IARS2: variants seen among roughly 807,000 people sequenced by gnomAD.
IARS2 encodes the protein isoleucyl-tRNA synthetase 2, mitochondrial.
IARS2 carries 56 observed loss-of-function variants against 126.3 expected under a neutral mutation model. The ratio of observed to expected loss-of-function variants is 0.44; its 90% CI spans 0.36 to 0.55. The LOEUF is 0.55. Ranked by LOEUF, IARS2 falls within the 20% of genes least tolerant of loss-of-function variation. The probability of loss-of-function intolerance (pLI) is 0.00; values close to 1 mark genes in which losing one functional copy is unlikely to be tolerated. For missense variants in IARS2, 1,127 were observed against 1,245.9 expected, an observed-to-expected ratio of 0.90 and a Z score of 1.44; for synonymous variants, 407 against 441.1, an observed-to-expected ratio of 0.92 and a Z score of 0.97.
rs950634242 is a variant in IARS2 at position 220,094,438 on chromosome 1, G to A, written c.222G>A (p.Lys74=). The part of the protein sequence containing the change: ...VLLPQTSFPM[K]LLGRQQPDTE... ...TGCCGCAGACGAGCTTCCCCATGAA[G>A]CTGCTGGGCCGCCAGCAGCCGGACA... Residue 74 remains lysine, a synonymous_variant, in exon 1 of 23, where the codon AAG becomes AAA. Coordinates refer to ENST00000366922, the MANE Select transcript of IARS2 (RefSeq NM_018060.4). The A allele has an allele frequency of 1.2e-6, 2 of 1,611,444 alleles. No individual in the cohort carries two copies. Among genetic ancestry groups the A allele is most frequent in the Non-Finnish European group, 1.7e-6 (2 of 1,179,218 alleles).
At chr1:220,102,659 T>G (rs1409122602) in intron 6 of IARS2, 28 bp from the exon 7 acceptor site, 2 of 1,593,000 alleles carry the variant, frequency 1.3e-6, no homozygotes, top group Non-Finnish European at 1.7e-6. Context: ...TCCCATTTGC[T>G]AACATATTTA....
intron 14 of IARS2, among the ~76,000 whole-genome samples, chr1:220,131,630 G>A (rs759698085): frequency 6.6e-6 from 1 of 152,076 alleles, no homozygotes; most frequent in African/African-American, 2.4e-5. Context: ...GGGATTACAG[G>A]CGTGAGCCAC....
intron 19 of IARS2, 119 bp from the exon 20 acceptor site, chr1:220,141,684 A>AAT (rs1657495264): frequency 1.0e-6 from 1 of 962,470 alleles, no homozygotes; most frequent in Non-Finnish European, 1.6e-6. Flanking sequence ...CTTTAAGTAG[A>AAT]AGATGATTAG....
chr1:220,100,011 T>C (rs1413675837), intron 2 of IARS2, among the ~76,000 whole-genome samples: 2 of 152,220 alleles, frequency 1.3e-5, no homozygotes, highest in South Asian at 2.1e-4. Flanking sequence ...AGAAGGAAAT[T>C]GAGCTTGGAG....
At chr1:220,102,928 T>C (rs1656607634) in intron 7 of IARS2, 151 bp downstream of exon 7, 3 of 599,406 alleles carry the variant, frequency 5.0e-6, no homozygotes, top group Non-Finnish European at 8.7e-6. Context: ...TATTAACCTT[T>C]AGGTGATCCT....
intron 12 of IARS2, among the ~76,000 whole-genome samples, chr1:220,119,166 C>T (rs1437953834): frequency 2.0e-5 from 3 of 151,928 alleles, no homozygotes; most frequent in African/African-American, 2.4e-5. Context: ...CGGTTGATAT[C>T]GAAGTTCAGA....
intron 14 of IARS2, among the ~76,000 whole-genome samples, chr1:220,129,325 A>G (rs1340396378): frequency 6.6e-6 from 1 of 152,202 alleles, no homozygotes; most frequent in East Asian, 1.9e-4. Context: ...GGTATTTAAG[A>G]TATCTATCAT....
intron 14 of IARS2, among the ~76,000 whole-genome samples, chr1:220,131,941 G>A (rs983367939): frequency 6.6e-6 from 1 of 151,770 alleles, no homozygotes; most frequent in East Asian, 1.9e-4. Context: ...GCGACTACAG[G>A]CATCCACCAC....
chr1:220,098,667 G>T (rs1656502156), intron 2 of IARS2, among the ~76,000 whole-genome samples: 1 of 152,002 alleles, frequency 6.6e-6, no homozygotes, highest in South Asian at 2.1e-4. Context: ...TTAGAAAAAT[G>T]AAAGGAACAG....
chr1:220,098,500 C>T (rs991511030), intron 2 of IARS2, among the ~76,000 whole-genome samples: 1 of 152,088 alleles, frequency 6.6e-6, no homozygotes, highest in Non-Finnish European at 1.5e-5. Context: ...CTTTTTTCTC[C>T]ATAGTGTGTG....
At chr1:220,107,378 G>A (rs1398675173) in intron 10 of IARS2, among the ~76,000 whole-genome samples, 1 of 152,184 alleles carries the variant, frequency 6.6e-6, no homozygotes, top group Non-Finnish European at 1.5e-5. Flanking sequence ...TTATTTTAGG[G>A]CTATGGAGAT....
Position 220,094,281 on chromosome 1 carries a change from G to A in IARS2, c.65G>A (p.Trp22Ter). 6.2e-7 allele frequency: 1 copy of A among 1,610,258 alleles called. No individual in the cohort carries two copies. Among genetic ancestry groups the A allele is most frequent in the South Asian group, 1.1e-5 (1 of 90,776 alleles). The part of the protein sequence containing the change: ...AAALATARSL[W>*]GTPRLPCSPG... ...GCCCTGGCCACTGCCCGAAGTTTGT[G>A]GGGGACGCCCCGCCTTCCCTGCAGC... is the stretch of plus-strand genomic sequence containing the variant. The change falls in exon 1 of 23, where the codon TGG (tryptophan) becomes TAG (stop). Residue 22 changes from tryptophan to a stop codon, truncating the protein, a stop_gained. Transcript: ENST00000366922. LOFTEE classifies it high-confidence loss of function.
rs550318964 is a variant in IARS2, at chr1:220,121,382, A to G, written c.1641-3855A>G. ...AAATATGCGCTATATCTAAATTACTAATATTGTTATAAAAATGTAGCAATT... is the reference window on the plus strand; with the variant it reads ...AAATATGCGCTATATCTAAATTACTGATATTGTTATAAAAATGTAGCAATT... On this transcript the variant is annotated intron_variant, in intron 12 of 22. Transcript: ENST00000366922. Among the ~76,000 whole-genome samples, 47 of 152,320 alleles carry G rather than the reference A, an allele frequency of 3.1e-4. No homozygotes were observed. In the South Asian group the frequency reaches 5.0e-3, roughly 16 times the overall value.
intron 13 of IARS2, 99 bp from the exon 14 acceptor site, chr1:220,126,651 A>T: frequency 1.2e-6 from 1 of 838,628 alleles, no homozygotes; most frequent in East Asian, 2.6e-5. Flanking sequence ...TGTGAACTTC[A>T]TGGTTGCATT....
At position 220,147,834 on chromosome 1, in the gene IARS2, GA is replaced by G. The variant is rs900531825; in HGVS notation, c.*202del. ...AAAGAATTATGTATATATACATGCA[GA>G]AATATATATGTGTGTGTGTATCTGT... On this transcript the variant is annotated 3_prime_UTR_variant, in exon 23 of 23. Coordinates refer to ENST00000366922, the MANE Select transcript of IARS2 (RefSeq NM_018060.4). 2 of 575,508 alleles carry G rather than the reference GA, an allele frequency of 3.5e-6. No homozygotes were observed. Among genetic ancestry groups the G allele is most frequent in the African/African-American group, 1.9e-5 (1 of 53,734 alleles). 35.7% of individuals were successfully genotyped at this position (575,508 alleles called of 1,614,324 possible).
rs1342648317 is a variant in IARS2 at position 220,142,518 on chromosome 1, T to C, written c.2561-426T>C. 2.0e-5 allele frequency among the ~76,000 whole-genome samples: 3 copies of C among 152,310 alleles called. No individual in the cohort carries two copies. In the East Asian group the frequency reaches 5.8e-4, roughly 29 times the overall value. On this transcript the variant is annotated intron_variant, in intron 20 of 22. Transcript: ENST00000366922. ...CTGTCAAAAAAAATGTTCTGAAATA[T>C]ATTTTAGGTTGTATTAAAACAAAAT...
intron 3 of IARS2, 84 bp from the exon 4 acceptor site, chr1:220,102,045 G>T: frequency 7.7e-7 from 1 of 1,295,106 alleles, no homozygotes; most frequent in East Asian, 2.3e-5. Flanking sequence ...TGTAGCATTT[G>T]CATTTAGAGA....
At chr1:220,097,073 A>C (rs1283330140) in intron 2 of IARS2, among the ~76,000 whole-genome samples, 1 of 152,030 alleles carries the variant, frequency 6.6e-6, no homozygotes, top group Non-Finnish European at 1.5e-5. Flanking sequence ...ATGTTTTGTG[A>C]TATAAATACA....
At chr1:220,141,566 C>G (rs758203398) in intron 19 of IARS2, among the ~76,000 whole-genome samples, 1 of 152,222 alleles carries the variant, frequency 6.6e-6, no homozygotes, top group African/African-American at 2.4e-5. Flanking sequence ...AGTCTAGACT[C>G]TAGTTGTCAT....
Sources: gnomAD v4.1 joint callset for allele counts (sites outside exome capture counted in the v4.1 genomes callset) on GRCh38, gnomAD v4.1.1 for gene constraint, MANE v1.5 for transcripts, NCBI Gene and HGNC (gene_info 2026-07-23, HGNC 2026-07-21) for gene names.